FBXL17: variants seen among roughly 807,000 people sequenced by gnomAD.
FBXL17 encodes F-box and leucine rich repeat protein 17.
In FBXL17, 22 loss-of-function variants were observed where a neutral mutation model predicts 66.2. The observed-to-expected ratio is 0.33, with a 90% CI of 0.24 to 0.47. The LOEUF (loss-of-function observed/expected upper bound fraction) is 0.47, where lower values mean the gene tolerates loss of function less well. Among genes scored for constraint, FBXL17 ranks in the 20% least tolerant of loss-of-function variants. FBXL17 has a pLI of 1.00. For missense variants in FBXL17, 878 were observed against 948.2 expected (o/e 0.93, Z 0.97); for synonymous variants, 474 against 400.5 (o/e 1.18, Z -2.19).
At chr5:108,016,542 C>G (rs1668671071) in intron 7 of FBXL17, among the ~76,000 whole-genome samples, 1 of 152,176 alleles carries the variant, frequency 6.6e-6, no homozygotes, top group Non-Finnish European at 1.5e-5. Context: ...CATTTTACAA[C>G]TGCCCCCTGA....
intron 7 of FBXL17, among the ~76,000 whole-genome samples, chr5:107,958,301 G>A (rs1751746831): frequency 6.6e-6 from 1 of 151,550 alleles, no homozygotes; most frequent in South Asian, 2.1e-4. Flanking sequence ...TCCCTTTATG[G>A]CCATCAATGT....
rs911790923 is a variant in FBXL17, at chr5:108,136,054, G to A, written c.1745+50063C>T. 2.0e-5 allele frequency among the ~76,000 whole-genome samples: 3 copies of A among 152,086 alleles called. No homozygotes were observed. In the South Asian group the frequency reaches 6.2e-4, roughly 32 times the overall value. On this transcript the variant is annotated intron_variant, in intron 6 of 8. Transcript: ENST00000542267. ...GGAAAAAAGTTGAATTATTTTGGGGGAGAAACAACATAAGATGACTTTTGA... is the reference window on the plus strand; with the variant it reads ...GGAAAAAAGTTGAATTATTTTGGGGAAGAAACAACATAAGATGACTTTTGA...
intron 6 of FBXL17, among the ~76,000 whole-genome samples, chr5:108,071,373 T>C (rs1326707373): frequency 6.6e-6 from 1 of 152,194 alleles, no homozygotes; most frequent in Non-Finnish European, 1.5e-5. Flanking sequence ...AATCAAGAGC[T>C]CTATTTGGGT....
At chr5:107,968,172 T>G (rs919724853) in intron 7 of FBXL17, among the ~76,000 whole-genome samples, 2 of 152,126 alleles carry the variant, frequency 1.3e-5, no homozygotes, top group African/African-American at 4.8e-5. Flanking sequence ...TGCTCTCAGG[T>G]GGGTATCCTT....
At chr5:108,284,252 A>G (rs532271066) in intron 4 of FBXL17, among the ~76,000 whole-genome samples, 5 of 151,940 alleles carry the variant, frequency 3.3e-5, no homozygotes, top group Non-Finnish European at 7.4e-5. Context: ...TCAAAAAGAT[A>G]TCTGCATTCA....
chr5:108,255,113 C>T (rs1355397243), intron 4 of FBXL17, among the ~76,000 whole-genome samples: 1 of 152,122 alleles, frequency 6.6e-6, no homozygotes, highest in East Asian at 1.9e-4. Context: ...GACCTACATA[C>T]ACATACATAC....
At chr5:108,144,234 G>A (rs1368013424) in intron 6 of FBXL17, among the ~76,000 whole-genome samples, 1 of 152,060 alleles carries the variant, frequency 6.6e-6, no homozygotes, top group Non-Finnish European at 1.5e-5. Context: ...TGCTCTCAAG[G>A]AGTTAATACT....
At chr5:108,301,103 T>A (rs1031936277) in intron 4 of FBXL17, among the ~76,000 whole-genome samples, 54 of 151,906 alleles carry the variant, frequency 3.6e-4, no homozygotes, top group African/African-American at 1.2e-3. Flanking sequence ...AGCTTCTTAC[T>A]GCATTTTTTA....
At chr5:108,053,568 A>C (rs1289204933) in intron 6 of FBXL17, among the ~76,000 whole-genome samples, 2 of 152,184 alleles carry the variant, frequency 1.3e-5, no homozygotes, top group African/African-American at 4.8e-5. Flanking sequence ...ATGAGATACC[A>C]TCTCATGCCA....
chr5:108,066,416 C>G (rs1580395411), intron 6 of FBXL17, among the ~76,000 whole-genome samples: 1 of 151,864 alleles, frequency 6.6e-6, no homozygotes, highest in African/African-American at 2.4e-5. Flanking sequence ...ATGTATATAA[C>G]CTTATTGCCT....
At chr5:107,915,132 A>G (rs1750083126) in intron 7 of FBXL17, among the ~76,000 whole-genome samples, 1 of 152,160 alleles carries the variant, frequency 6.6e-6, no homozygotes, top group Non-Finnish European at 1.5e-5. Context: ...GCTTAGACCC[A>G]AGCATCTCTT....
intron 7 of FBXL17, among the ~76,000 whole-genome samples, chr5:107,936,912 T>C (rs2112583407): frequency 6.6e-6 from 1 of 152,194 alleles, no homozygotes; most frequent in Admixed American, 6.6e-5. Flanking sequence ...TCACACTTTT[T>C]TTAAGTATAT....
intron 4 of FBXL17, among the ~76,000 whole-genome samples, chr5:108,319,280 T>C (rs559261496): frequency 6.6e-6 from 1 of 151,992 alleles, no homozygotes; most frequent in South Asian, 2.1e-4. Context: ...CAGCATTAAT[T>C]ATGTACCATC....
intron 6 of FBXL17, among the ~76,000 whole-genome samples, chr5:108,052,280 G>A (rs752817120): frequency 4.6e-5 from 7 of 152,168 alleles, no homozygotes; most frequent in Non-Finnish European, 1.0e-4. Context: ...TTGGTCTGCA[G>A]ATTACATGAC....
chr5:108,268,130 G>A (rs1361283014), intron 4 of FBXL17, among the ~76,000 whole-genome samples: 1 of 151,970 alleles, frequency 6.6e-6, no homozygotes, highest in African/African-American at 2.4e-5. Context: ...CTGATGGGGA[G>A]AAACTGGGGA....
chr5:107,946,783 T>A (rs1375304285), intron 7 of FBXL17, among the ~76,000 whole-genome samples: 1 of 151,870 alleles, frequency 6.6e-6, no homozygotes, highest in Admixed American at 6.6e-5. Flanking sequence ...TTGTAAAAAA[T>A]AAAAAGAAAT....
intron 4 of FBXL17, among the ~76,000 whole-genome samples, chr5:108,315,423 A>G (rs988605270): frequency 4.0e-5 from 6 of 151,498 alleles, no homozygotes; most frequent in African/African-American, 1.4e-4. Context: ...GTGAAAGTGC[A>G]ATCAATACAT....
chr5:108,162,625 T>A (rs2150008239), intron 6 of FBXL17, among the ~76,000 whole-genome samples: 1 of 152,366 alleles, frequency 6.6e-6, no homozygotes, highest in South Asian at 2.1e-4. Flanking sequence ...AAAACAGTGA[T>A]ATGTGAATAA....
At chr5:107,893,258 C>G (rs1455638196) in intron 7 of FBXL17, among the ~76,000 whole-genome samples, 1 of 152,136 alleles carries the variant, frequency 6.6e-6, no homozygotes, top group African/African-American at 2.4e-5. Context: ...AAGGGAGAGG[C>G]CTGGTTCTGG....
Sources: allele counts gnomAD v4.1 joint callset (sites outside exome capture counted in the v4.1 genomes callset), GRCh38; gene constraint gnomAD v4.1.1; transcripts MANE v1.5; gene names NCBI Gene and HGNC (gene_info 2026-07-23, HGNC 2026-07-21).